The following MPDZ variants were observed in gnomAD, a reference collection of about 807,000 sequenced individuals.
MPDZ encodes the protein multiple PDZ domain crumbs cell polarity complex component, also known as multiple PDZ domain protein.
Under a neutral mutation model 239.1 loss-of-function variants are expected in MPDZ, and 234 were observed. The ratio of observed to expected loss-of-function variants is 0.98; its 90% CI spans 0.88 to 1.09. The LOEUF (loss-of-function observed/expected upper bound fraction) is 1.09, where lower values mean the gene tolerates loss of function less well. Ranked by LOEUF, MPDZ falls within the 50% of genes least tolerant of loss-of-function variation. The pLI, the probability that MPDZ is intolerant of heterozygous loss-of-function variation, is 0.00. For synonymous variants in MPDZ, 1,048 were observed against 881.3 expected (o/e 1.19, Z -3.35); for missense variants, 3,175 against 2,510.0 (o/e 1.26, Z -5.66).
intron 10 of MPDZ, among the ~76,000 whole-genome samples, chr9:13,210,024 T>A (rs1957432079): frequency 6.8e-6 from 1 of 147,784 alleles, no homozygotes; most frequent in Admixed American, 6.8e-5. Flanking sequence ...CTTACCCAAC[T>A]CTACAAATCA....
At chr9:13,167,652 T>C (rs1477893904) in intron 22 of MPDZ, among the ~76,000 whole-genome samples, 1 of 152,122 alleles carries the variant, frequency 6.6e-6, no homozygotes, top group Non-Finnish European at 1.5e-5. Flanking sequence ...TAAAAACAAA[T>C]ATTCAATGAT....
At chr9:13,226,323 C>T (rs1960594050) in intron 3 of MPDZ, among the ~76,000 whole-genome samples, 2 of 152,260 alleles carry the variant, frequency 1.3e-5, no homozygotes, top group South Asian at 4.1e-4. Flanking sequence ...TAAAGCAATG[C>T]AGTCAATCCT....
chr9:13,152,596 A>G (rs1949324946), intron 24 of MPDZ, among the ~76,000 whole-genome samples: 1 of 151,922 alleles, frequency 6.6e-6, no homozygotes, highest in South Asian at 2.1e-4. Context: ...TTTCTTTTGT[A>G]AATTCCCCAG....
chr9:13,207,456 G>C (rs1045231787), intron 10 of MPDZ, among the ~76,000 whole-genome samples: 1 of 152,116 alleles, frequency 6.6e-6, no homozygotes, highest in Non-Finnish European at 1.5e-5. Context: ...CTGACTTGCA[G>C]TTCTCTCTTC....
At chr9:13,228,243 A>G (rs1393775918) in intron 3 of MPDZ, among the ~76,000 whole-genome samples, 3 of 152,166 alleles carry the variant, frequency 2.0e-5, no homozygotes, top group Non-Finnish European at 4.4e-5. Context: ...TGAACATTTC[A>G]GTCTAAAGGG....
At chr9:13,125,676 A>T (rs1242370891) in intron 34 of MPDZ, among the ~76,000 whole-genome samples, 1 of 152,108 alleles carries the variant, frequency 6.6e-6, no homozygotes, top group African/African-American at 2.4e-5. Context: ...TTACATCTCT[A>T]ATCTCATCCG....
At chr9:13,157,088 C>T (rs1167456445) in intron 24 of MPDZ, among the ~76,000 whole-genome samples, 1 of 152,144 alleles carries the variant, frequency 6.6e-6, no homozygotes, top group African/African-American at 2.4e-5. Flanking sequence ...CAGGTTATCA[C>T]TGGTGGGCAG....
At chr9:13,184,357 C>T (rs1953799403) in intron 18 of MPDZ, among the ~76,000 whole-genome samples, 1 of 151,920 alleles carries the variant, frequency 6.6e-6, no homozygotes, top group African/African-American at 2.4e-5. Context: ...ATATATACTA[C>T]CTTTCTCTGA....
At chr9:13,181,518 A>G (rs1953327155) in intron 19 of MPDZ, among the ~76,000 whole-genome samples, 2 of 152,188 alleles carry the variant, frequency 1.3e-5, no homozygotes, top group Non-Finnish European at 2.9e-5. Context: ...CTAAAAGCAC[A>G]CAGGAGTTTC....
chr9:13,252,022 A>T (rs1165734074), intron 1 of MPDZ, among the ~76,000 whole-genome samples: 2 of 152,150 alleles, frequency 1.3e-5, no homozygotes, highest in Admixed American at 6.5e-5. Flanking sequence ...AAGTATGCCA[A>T]TTTCCAGCTC....
Position 13,106,431 on chromosome 9 carries a change from T to C in MPDZ, c.*534A>G, listed in dbSNP as rs551336361. 20 of 152,264 alleles carry C rather than the reference T, an allele frequency of 1.3e-4. No individual in the cohort carries two copies. The highest frequency in any genetic ancestry group is 4.8e-4 in the African/African-American group (20 of 41,544). 9.4% of individuals were successfully genotyped at this position (152,264 alleles called of 1,614,324 possible). On this transcript the variant is annotated 3_prime_UTR_variant, in exon 47 of 47. Transcript: ENST00000319217. ...GAGATGCAATGTTTTTATAATACTG[T>C]TGAAAATTTTAAAATACTGACAGTA...
At chr9:13,259,856 T>C (rs972972276) in intron 1 of MPDZ, among the ~76,000 whole-genome samples, 1 of 152,122 alleles carries the variant, frequency 6.6e-6, no homozygotes, top group Non-Finnish European at 1.5e-5. Flanking sequence ...TTGTTTGAGA[T>C]GGAGTCTCAC....
chr9:13,278,717 A>C (rs1168557555), intron 1 of MPDZ, among the ~76,000 whole-genome samples: 1 of 152,060 alleles, frequency 6.6e-6, no homozygotes, highest in East Asian at 2.0e-4. Context: ...CGGCGGTTAA[A>C]AGGGCGCCGG....
intron 12 of MPDZ, among the ~76,000 whole-genome samples, chr9:13,200,095 G>C (rs1447802852): frequency 6.6e-6 from 1 of 151,806 alleles, no homozygotes; most frequent in Admixed American, 6.6e-5. Flanking sequence ...TCTTTAATTA[G>C]AGACTTTTTA....
chr9:13,122,990 C>T (rs548218787), intron 36 of MPDZ, among the ~76,000 whole-genome samples, 163 bp downstream of exon 36: 3 of 152,288 alleles, frequency 2.0e-5, no homozygotes, highest in African/African-American at 7.2e-5. Flanking sequence ...GGAAACCTCC[C>T]CCGTATCCAA....
chr9:13,186,365 C>T lies in MPDZ; in HGVS notation c.2386G>A (p.Val796Ile), dbSNP rs966131622. The T allele has an allele frequency of 2.5e-6, 4 of 1,581,764 alleles. No individual in the cohort carries two copies. The highest frequency in any genetic ancestry group is 2.7e-5 in the African/African-American group (2 of 74,218). The change falls in exon 18 of 47, where the codon GTT becomes ATT. Residue 796 changes from valine to isoleucine, a missense_variant. Coordinates refer to ENST00000319217, the MANE Select transcript of MPDZ (RefSeq NM_001378778.1). ...AGAAAGGAATCCTCCTTAGCAGAAACATAACCTTCTTCTGGTGAAAGCTGC... is the reference window on the plus strand; with the variant it reads ...AGAAAGGAATCCTCCTTAGCAGAAATATAACCTTCTTCTGGTGAAAGCTGC... ...PLPLSPEEGY[V>I]SAKEDSFLYP...
At chr9:13,189,622 T>C (rs1421589270) in intron 16 of MPDZ, among the ~76,000 whole-genome samples, 2 of 152,098 alleles carry the variant, frequency 1.3e-5, no homozygotes, top group African/African-American at 4.8e-5. Flanking sequence ...GGCTTTACCA[T>C]CTCCTCCCTT....
intron 31 of MPDZ, 45 bp from the exon 32 acceptor site, chr9:13,133,949 G>A (rs773650343): frequency 7.0e-6 from 8 of 1,141,000 alleles, no homozygotes; most frequent in Non-Finnish European, 9.6e-6. Flanking sequence ...TGAGTGTTAG[G>A]AAATTTGATT....
chr9:13,109,094 TA>T (rs374242359), intron 45 of MPDZ, 35 bp from the exon 46 acceptor site: 22,133 of 923,986 alleles, frequency 0.024, 4 homozygotes, highest in South Asian at 0.033. Flanking sequence ...GGTTTTAAAT[TA>T]AAAAAAAAAA....
Sources: gnomAD v4.1 joint callset for allele counts (sites outside exome capture counted in the v4.1 genomes callset) on GRCh38, gnomAD v4.1.1 for gene constraint, MANE v1.5 for transcripts, NCBI Gene and HGNC (gene_info 2026-07-23, HGNC 2026-07-21) for gene names.